The following SYT2 variants were observed in gnomAD, a reference collection of about 807,000 sequenced individuals.
SYT2 encodes synaptotagmin-2.
SYT2 carries 15 observed loss-of-function variants against 39.9 expected under a neutral mutation model. That is an observed-to-expected ratio of 0.38 (90% confidence interval 0.25 to 0.58). The LOEUF (loss-of-function observed/expected upper bound fraction) is 0.58. Ranked by LOEUF, SYT2 falls within the 20% of genes least tolerant of loss-of-function variation. The probability of loss-of-function intolerance (pLI) is 0.70; values close to 1 mark genes in which losing one functional copy is unlikely to be tolerated. For synonymous variants in SYT2, 181 were observed against 204.5 expected, an observed-to-expected ratio of 0.89 and a Z score of 0.98; for missense variants, 389 against 530.3, an observed-to-expected ratio of 0.73 and a Z score of 2.62.
intron 1 of SYT2, among the ~76,000 whole-genome samples, chr1:202,635,006 C>T (rs963348866): frequency 2.0e-5 from 3 of 151,966 alleles, no homozygotes; most frequent in Non-Finnish European, 4.4e-5. Flanking sequence ...TTGAATTGTG[C>T]GCTTAAATGG....
At chr1:202,678,537 A>G (rs1253415329) in intron 1 of SYT2, among the ~76,000 whole-genome samples, 1 of 151,982 alleles carries the variant, frequency 6.6e-6, no homozygotes, top group South Asian at 2.1e-4. Context: ...TCCTGTTTTC[A>G]TACGGCTCCC....
intron 1 of SYT2, among the ~76,000 whole-genome samples, chr1:202,613,400 A>C (rs1348267825): frequency 1.3e-5 from 2 of 151,972 alleles, no homozygotes; most frequent in East Asian, 3.9e-4. Context: ...TTGTTCTAAT[A>C]ATTTGTGTGT....
intron 1 of SYT2, among the ~76,000 whole-genome samples, chr1:202,665,924 C>T (rs895952044): frequency 3.3e-5 from 5 of 152,132 alleles, no homozygotes; most frequent in Admixed American, 1.3e-4. Flanking sequence ...GAGGCCGAGG[C>T]AGGCGGATCA....
intron 1 of SYT2, among the ~76,000 whole-genome samples, chr1:202,685,447 T>C (rs545893919): frequency 8.4e-4 from 128 of 152,340 alleles, no homozygotes; most frequent in Admixed American, 1.4e-3. Context: ...CCATTCTTTC[T>C]TCCAGAATTC....
rs1690435901 is a variant in SYT2 at position 202,599,802 on chromosome 1, G to A, written c.920-451C>T. ...GCGGGTCAGTGACAGAGCCAGGCTG[G>A]CACTGAAACGCGCTGGTTGGAGCCC... On this transcript the variant is annotated intron_variant, in intron 7 of 8. Coordinates refer to ENST00000367268, the MANE Select transcript of SYT2 (RefSeq NM_177402.5). The surrounding 1 kb of genome is among the most constrained non-coding windows in gnomAD (Gnocchi z 4.4). Among the ~76,000 whole-genome samples, 1 of 152,206 alleles carries A rather than the reference G, an allele frequency of 6.6e-6. No homozygotes were observed. Among genetic ancestry groups the A allele is most frequent in the Admixed American group, 6.5e-5 (1 of 15,292 alleles).
At chr1:202,632,149 GCCA>G in intron 1 of SYT2, 1 of 882,726 alleles carries the variant, frequency 1.1e-6, no homozygotes, top group Non-Finnish European at 1.4e-6. Flanking sequence ...CTGCAGTGTT[GCCA>G]CCACTAGATA....
intron 1 of SYT2, chr1:202,630,544 C>T (rs575785236): frequency 6.0e-5 from 14 of 233,460 alleles, no homozygotes; most frequent in South Asian, 3.1e-4. Flanking sequence ...AGGCAAGAGA[C>T]GTCCACCTGG....
intron 1 of SYT2, among the ~76,000 whole-genome samples, chr1:202,692,139 G>A (rs1256381435): frequency 1.3e-5 from 2 of 152,028 alleles, no homozygotes; most frequent in African/African-American, 4.8e-5. Flanking sequence ...CACTGCGACA[G>A]AGGGAGGGAG....
intron 1 of SYT2, among the ~76,000 whole-genome samples, chr1:202,620,185 G>C (rs1419882097): frequency 1.3e-5 from 2 of 152,238 alleles, no homozygotes; most frequent in East Asian, 3.9e-4. Flanking sequence ...ACTGGCCGCT[G>C]TCCTTCTGTC....
intron 1 of SYT2, among the ~76,000 whole-genome samples, chr1:202,619,649 A>G (rs533040863): frequency 1.3e-5 from 2 of 152,208 alleles, no homozygotes; most frequent in East Asian, 3.8e-4. Flanking sequence ...ATTTCCTCTG[A>G]TGCAGGTGAT....
Position 202,655,702 on chromosome 1 carries a change from T to C in SYT2, c.-17-49913A>G, listed in dbSNP as rs1692265968. 2.0e-5 allele frequency among the ~76,000 whole-genome samples: 3 copies of C among 152,168 alleles called. No individual in the cohort carries two copies. The South Asian group carries it at 6.2e-4, about 32-fold the overall frequency. On this transcript the variant is annotated intron_variant, in intron 1 of 8. Transcript: ENST00000367268. ...TTGATGTGTTCTCACTTCCAGATGC[T>C]GTCTCTCCAAAAGAAATGGGCATGC...
chr1:202,617,643 A>G (rs2149080788), intron 1 of SYT2, among the ~76,000 whole-genome samples: 1 of 152,194 alleles, frequency 6.6e-6, no homozygotes, highest in East Asian at 1.9e-4. Flanking sequence ...ACTTCCAAGA[A>G]CGCCTTCCTC....
chr1:202,658,605 C>T (rs1692321307), intron 1 of SYT2, among the ~76,000 whole-genome samples: 1 of 151,844 alleles, frequency 6.6e-6, no homozygotes, highest in Admixed American at 6.6e-5. Flanking sequence ...GTGTGTGCCT[C>T]AGACAGCAGC....
intron 1 of SYT2, among the ~76,000 whole-genome samples, chr1:202,693,347 C>A (rs1204102018): frequency 6.6e-6 from 1 of 152,164 alleles, no homozygotes; most frequent in Admixed American, 6.5e-5. Context: ...AAGACAGATA[C>A]CCTTCAAGAC....
At chr1:202,643,500 TC>T (rs1167028383) in intron 1 of SYT2, 1 of 152,294 alleles carries the variant, frequency 6.6e-6, no homozygotes, top group Non-Finnish European at 1.5e-5. Flanking sequence ...TGATCCCGCT[TC>T]CCCCGCCCGC....
chr1:202,674,940 A>C (rs1653325352), intron 1 of SYT2, among the ~76,000 whole-genome samples: 1 of 100,546 alleles, frequency 9.9e-6, no homozygotes, highest in Non-Finnish European at 2.4e-5. Flanking sequence ...CGCCTCCTTC[A>C]GAGCACTTAC....
chr1:202,680,221 T>A (rs541390489), intron 1 of SYT2, among the ~76,000 whole-genome samples: 2 of 152,308 alleles, frequency 1.3e-5, no homozygotes, highest in African/African-American at 4.8e-5. Flanking sequence ...ACCTGAAAAT[T>A]CAGAGGATTC....
chr1:202,642,322 G>A (rs1404348840), intron 1 of SYT2, among the ~76,000 whole-genome samples: 1 of 151,874 alleles, frequency 6.6e-6, no homozygotes, highest in Non-Finnish European at 1.5e-5. Flanking sequence ...AGGTGCAGAG[G>A]CTCGGGCAGG....
At chr1:202,606,715 G>C (rs568551344) in intron 1 of SYT2, among the ~76,000 whole-genome samples, 1 of 152,156 alleles carries the variant, frequency 6.6e-6, no homozygotes, top group East Asian at 1.9e-4. Context: ...TAGCCTTCCC[G>C]CATCAAAGAT....
Sources: allele counts gnomAD v4.1 joint callset (sites outside exome capture counted in the v4.1 genomes callset), GRCh38; gene constraint gnomAD v4.1.1; non-coding constraint Gnocchi (gnomAD v3.1); transcripts MANE v1.5; gene names NCBI Gene and HGNC (gene_info 2026-07-23, HGNC 2026-07-21).